The following ANKRD60 variants were observed in gnomAD, a reference collection of about 807,000 sequenced individuals.
ANKRD60 encodes ankyrin repeat domain-containing protein 60.
ANKRD60 carries 24 observed loss-of-function variants against 21.3 expected under a neutral mutation model. The observed-to-expected ratio is 1.13, with a 90% CI of 0.82 to 1.59. The LOEUF (loss-of-function observed/expected upper bound fraction) is 1.59, where lower values mean the gene tolerates loss of function less well. Ranked by LOEUF, ANKRD60 falls within the 40% of genes most tolerant of loss-of-function variation. The pLI is 0.00. For synonymous variants in ANKRD60, 182 were observed against 199.4 expected, an observed-to-expected ratio of 0.91 and a Z score of 0.74; for missense variants, 490 against 466.7, an observed-to-expected ratio of 1.05 and a Z score of -0.46.
intron 1 of ANKRD60, among the ~76,000 whole-genome samples, chr20:58,226,477 G>C (rs1014288818): frequency 6.6e-6 from 1 of 152,144 alleles, no homozygotes; most frequent in African/African-American, 2.4e-5. Context: ...GGAATTTGGG[G>C]TTCTGGTATA....
At chr20:58,217,840 T>TAAGAGAA (rs1430236182), downstream of ANKRD60, among the ~76,000 whole-genome samples, 1 of 152,220 alleles carries the variant, frequency 6.6e-6, no homozygotes, top group Admixed American at 6.5e-5. Flanking sequence ...GTGACCAGCC[T>TAAGAGAA]GATTCTCATC....
chr20:58,226,827 C>T (rs1032136604), intron 1 of ANKRD60, among the ~76,000 whole-genome samples: 1 of 151,998 alleles, frequency 6.6e-6, no homozygotes, highest in Non-Finnish European at 1.5e-5. Flanking sequence ...ATTTTGGGGT[C>T]CATATGTGGG....
At chr20:58,218,642 G>T (rs1984181677) in exon 4 of ANKRD60, 1 of 1,551,806 alleles carries the variant, frequency 6.4e-7, no homozygotes, top group South Asian at 1.2e-5. Flanking sequence ...TCAGTGTGTG[G>T]TTCAGGCGGT....
downstream of ANKRD60, among the ~76,000 whole-genome samples, chr20:58,217,568 C>T (rs1308135152): frequency 2.6e-5 from 4 of 152,126 alleles, no homozygotes; most frequent in South Asian, 2.1e-4. Context: ...AGACAGCTGG[C>T]GCCATCCTTG....
chr20:58,223,947 C>G (rs1984315500), intron 1 of ANKRD60, among the ~76,000 whole-genome samples: 1 of 152,090 alleles, frequency 6.6e-6, no homozygotes, highest in African/African-American at 2.4e-5. Flanking sequence ...ACAAAAAATA[C>G]AAAAATTATC....
intron 1 of ANKRD60, among the ~76,000 whole-genome samples, chr20:58,227,276 T>C (rs951000510): frequency 6.6e-6 from 1 of 152,150 alleles, no homozygotes; most frequent in Non-Finnish European, 1.5e-5. Context: ...GGATCTGGGG[T>C]TCTGAGGTAG....
At chr20:58,221,220 G>A (rs1487395152) in intron 3 of ANKRD60, 118 bp downstream of exon 3, 18 of 1,156,176 alleles carry the variant, frequency 1.6e-5, no homozygotes, top group Non-Finnish European at 2.1e-5. Context: ...ACTGGTGGCT[G>A]ACAAGACACA....
chr20:58,228,582 T>C lies in ANKRD60; in HGVS notation c.72A>G (p.Pro24=). The change falls in exon 1 of 4, where the codon CCA becomes CCG. Residue 24 remains proline (P), a synonymous_variant. Coordinates refer to ENST00000457363, the Ensembl canonical transcript of ANKRD60. The surrounding 1 kb of genome is among the most constrained non-coding windows in gnomAD (Gnocchi z 5.3). Reference sequence around the variant, plus strand: ...GGTGCAGGCGAGAGGCGCCCCCAGTTGGCCCCGCCGCCCGCGCTCCGCCCG... The same window carrying C: ...GGTGCAGGCGAGAGGCGCCCCCAGTCGGCCCCGCCGCCCGCGCTCCGCCCG... The C allele has an allele frequency of 8.6e-7, 1 of 1,169,102 alleles. No individual in the cohort carries two copies. 72.4% of individuals were successfully genotyped at this position (1,169,102 alleles called of 1,614,324 possible). A position where few individuals can be genotyped will look rare whatever the true frequency, so the allele number is the denominator to read the frequency against.
At chr20:58,224,800 T>C (rs1160033107) in intron 1 of ANKRD60, among the ~76,000 whole-genome samples, 1 of 152,210 alleles carries the variant, frequency 6.6e-6, no homozygotes, top group Non-Finnish European at 1.5e-5. Flanking sequence ...CCTGTAGAGA[T>C]CGGAGTACAT....
intron 1 of ANKRD60, among the ~76,000 whole-genome samples, chr20:58,223,450 G>A (rs1219624986): frequency 2.0e-5 from 3 of 152,120 alleles, no homozygotes; most frequent in African/African-American, 7.2e-5. Context: ...TTGTCCTATT[G>A]TGAAAAGGCA....
intron 2 of ANKRD60, 100 bp downstream of exon 2, chr20:58,222,952 A>G (rs1984290599): frequency 1.5e-6 from 2 of 1,355,582 alleles, no homozygotes; most frequent in Non-Finnish European, 2.0e-6. Flanking sequence ...CCCTGCTCTG[A>G]AACTGTTATT....
At chr20:58,216,991 G>A (rs986936579), downstream of ANKRD60, among the ~76,000 whole-genome samples, 4 of 152,222 alleles carry the variant, frequency 2.6e-5, no homozygotes, top group Non-Finnish European at 4.4e-5. Flanking sequence ...TTGCTCCAGA[G>A]AGATTTTGGT....
chr20:58,220,909 A>ACTTT lies in ANKRD60; in HGVS notation c.727+428_727+429insAAAG, dbSNP rs1188951009. Among the ~76,000 whole-genome samples, 8 of 152,264 alleles carry ACTTT rather than the reference A, an allele frequency of 5.3e-5. 1 individual carries two copies. In the East Asian group the frequency reaches 1.2e-3, roughly 22 times the overall value. ...CAGCCTTCCAAAGTGCTGAGATTAC[A>ACTTT]GGCATGAGCCACCGTGCCTGGCCAG... is the stretch of plus-strand genomic sequence containing the variant. On this transcript the variant is annotated intron_variant, in intron 3 of 3. Coordinates refer to ENST00000457363, the Ensembl canonical transcript of ANKRD60.
At chr20:58,224,244 T>G (rs1984323209) in intron 1 of ANKRD60, among the ~76,000 whole-genome samples, 1 of 152,196 alleles carries the variant, frequency 6.6e-6, no homozygotes, top group Admixed American at 6.5e-5. Flanking sequence ...TTAGGCCTCA[T>G]GCTTTCTTTA....
In ANKRD60 at chr20:58,228,278, C is replaced by G. The variant is rs1984406580; in HGVS notation, c.376G>C (p.Asp126His). The change falls in exon 1 of 4, where the codon GAC (aspartate) becomes CAC (histidine). Residue 126 changes from aspartate (D) to histidine (H), a missense_variant. Transcript: ENST00000457363. This position sits in a 1 kb window ranked among gnomAD's most constrained non-coding sequence, Gnocchi z 5.3. ...TTGAAGGGGATGCCGACCATCAGGTCCAGCTCCTCTTTGAGCTCCCGCACG... is the reference window on the plus strand; with the variant it reads ...TTGAAGGGGATGCCGACCATCAGGTGCAGCTCCTCTTTGAGCTCCCGCACG... 6.4e-7 allele frequency: 1 copy of G among 1,551,474 alleles called. No homozygotes were observed. The highest frequency in any genetic ancestry group is 1.4e-5 in the African/African-American group (1 of 73,152).
intron 1 of ANKRD60, among the ~76,000 whole-genome samples, chr20:58,223,708 A>T (rs965481030): frequency 6.6e-6 from 1 of 152,212 alleles, no homozygotes; most frequent in Non-Finnish European, 1.5e-5. Flanking sequence ...TAGACTGGGT[A>T]ACTCCTTGTG....
intron 3 of ANKRD60, among the ~76,000 whole-genome samples, chr20:58,220,255 T>G (rs1165143142): frequency 2.0e-5 from 3 of 152,176 alleles, no homozygotes; most frequent in African/African-American, 7.2e-5. Context: ...AAGCTGGTGG[T>G]CTGGGCTGTT....
chr20:58,218,492 G>T, downstream of ANKRD60: 1 of 1,546,870 alleles, frequency 6.5e-7, no homozygotes, highest in African/African-American at 1.4e-5. Context: ...TTCCCACCAG[G>T]AGCTAATGAG....
exon 4 of ANKRD60, chr20:58,218,629 C>T (rs141764287): frequency 5.9e-5 from 92 of 1,551,806 alleles, no homozygotes; most frequent in Admixed American, 9.8e-5. Context: ...ATCTGCCTCT[C>T]GCTCAGTGTG....
Sources: gnomAD v4.1 joint callset for allele counts (sites outside exome capture counted in the v4.1 genomes callset) on GRCh38, gnomAD v4.1.1 for gene constraint, Gnocchi (gnomAD v3.1) non-coding constraint, MANE v1.5 for transcripts, NCBI Gene and HGNC (gene_info 2026-07-23, HGNC 2026-07-21) for gene names.